The following ITK variants were observed in gnomAD, a reference collection of about 807,000 sequenced individuals.
ITK encodes the protein tyrosine-protein kinase ITK/TSK.
Under a neutral mutation model 87.6 loss-of-function variants are expected in ITK, and 45 were observed. The observed-to-expected ratio is 0.51, with a 90% CI of 0.40 to 0.66. The LOEUF is 0.66. Ranked by LOEUF, ITK falls within the 30% of genes least tolerant of loss-of-function variation. The pLI is 0.00. For missense variants in ITK, 605 were observed against 766.3 expected, an observed-to-expected ratio of 0.79 and a Z score of 2.48; for synonymous variants, 303 against 273.6, an observed-to-expected ratio of 1.11 and a Z score of -1.06.
chr5:157,219,083 T>A (rs1754359975), intron 5 of ITK, among the ~76,000 whole-genome samples: 1 of 150,478 alleles, frequency 6.6e-6, no homozygotes, highest in South Asian at 2.1e-4. Flanking sequence ...GACCTTATGA[T>A]AATATTAACA....
chr5:157,248,858 A>G lies in ITK; in HGVS notation c.1642A>G (p.Met548Val), dbSNP rs1370312134. The change falls in exon 16 of 17, where the codon ATG becomes GTG. Residue 548 changes from methionine (M) to valine (V), a missense_variant. Around this residue, in one of 3 missense-constraint regions of ITK, gnomAD observed 70 missense variants for 122.5 expected, o/e 0.57. Coordinates refer to ENST00000422843, the MANE Select transcript of ITK (RefSeq NM_005546.4). ...KSDVWSFGVL[M>V]WEVFSEGKIP... ...CTCACCATTTCTTGTAGGTGTGCTG[A>G]TGTGGGAAGTTTTCAGTGAAGGCAA... 2 of 1,613,742 alleles carry G rather than the reference A, an allele frequency of 1.2e-6. No homozygotes were observed. Among genetic ancestry groups the G allele is most frequent in the Non-Finnish European group, 1.7e-6 (2 of 1,179,830 alleles).
At chr5:157,223,927 G>A (rs1403231053) in intron 6 of ITK, among the ~76,000 whole-genome samples, 1 of 152,158 alleles carries the variant, frequency 6.6e-6, no homozygotes, top group Non-Finnish European at 1.5e-5. Flanking sequence ...TTAACTAACA[G>A]TAGAGAGAAA....
intron 1 of ITK, among the ~76,000 whole-genome samples, chr5:157,185,844 A>C (rs902263322): frequency 6.6e-6 from 1 of 152,188 alleles, no homozygotes; most frequent in Non-Finnish European, 1.5e-5. Flanking sequence ...ACCTGGTCTC[A>C]AAAATAAAAT....
At chr5:157,184,497 A>G (rs930266094) in intron 1 of ITK, among the ~76,000 whole-genome samples, 4 of 152,168 alleles carry the variant, frequency 2.6e-5, no homozygotes, top group African/African-American at 9.7e-5. Context: ...CTGATATCGG[A>G]TCCTTTTCAG....
chr5:157,223,167 T>C (rs1454706077), intron 6 of ITK, among the ~76,000 whole-genome samples, 153 bp downstream of exon 6: 1 of 152,006 alleles, frequency 6.6e-6, no homozygotes, highest in Non-Finnish European at 1.5e-5. Context: ...GAAGAGGAAG[T>C]AGTTGAGGCT....
intron 15 of ITK, among the ~76,000 whole-genome samples, chr5:157,247,934 A>G (rs975711578): frequency 2.0e-5 from 3 of 152,178 alleles, no homozygotes; most frequent in Admixed American, 2.0e-4. Context: ...TTTCAAAAAA[A>G]TTTTCACTAA....
At chr5:157,243,577 T>C (rs779481863) in intron 11 of ITK, 46 bp from the exon 12 acceptor site, 11 of 1,534,456 alleles carry the variant, frequency 7.2e-6, no homozygotes, top group Admixed American at 1.7e-5. Context: ...CAATACCTTA[T>C]ATCTACTGCT....
At chr5:157,241,455 C>A in intron 10 of ITK, 191 bp from the exon 11 acceptor site, 1 of 557,598 alleles carries the variant, frequency 1.8e-6, no homozygotes, top group Non-Finnish European at 3.2e-6. Context: ...GGAATTTTAC[C>A]ACTTGCCCAT....
At chr5:157,214,459 CT>C in intron 4 of ITK, 140 bp downstream of exon 4, 1 of 739,854 alleles carries the variant, frequency 1.4e-6, no homozygotes, top group Non-Finnish European at 2.4e-6. Flanking sequence ...AATCATCTGT[CT>C]TTCCTACCAG....
chr5:157,184,414 G>A (rs1452474125), intron 1 of ITK, among the ~76,000 whole-genome samples: 3 of 152,122 alleles, frequency 2.0e-5, no homozygotes, highest in East Asian at 1.9e-4. Context: ...CCAGCACACC[G>A]TCGGCAAGCC....
chr5:157,217,836 A>G (rs1313194975), intron 4 of ITK, 31 bp from the exon 5 acceptor site: 3 of 1,609,806 alleles, frequency 1.9e-6, no homozygotes, highest in Non-Finnish European at 2.5e-6. Context: ...TTTCATGCTC[A>G]TTTTTTCTTT....
rs910869122 is a variant in ITK, at chr5:157,205,644, A to G, written c.139-3245A>G. 6.6e-5 allele frequency among the ~76,000 whole-genome samples: 10 copies of G among 152,334 alleles called. No homozygotes were observed. In the East Asian group the frequency reaches 1.9e-3, roughly 29 times the overall value. ...CTAAGGACAGTCACATGGGTATAACAGTTATGAGCAGACAAACTATATTCC... is the reference window on the plus strand; with the variant it reads ...CTAAGGACAGTCACATGGGTATAACGGTTATGAGCAGACAAACTATATTCC... On this transcript the variant is annotated intron_variant, in intron 1 of 16. Coordinates refer to ENST00000422843, the MANE Select transcript of ITK (RefSeq NM_005546.4).
At chr5:157,244,839 A>C in intron 13 of ITK, 1 of 318,006 alleles carries the variant, frequency 3.1e-6, no homozygotes, top group Admixed American at 4.2e-5. Context: ...CACACTGGGG[A>C]AGCCCTTAAG....
chr5:157,239,027 A>G (rs1441117651), intron 9 of ITK, among the ~76,000 whole-genome samples: 2 of 152,096 alleles, frequency 1.3e-5, no homozygotes, highest in Non-Finnish European at 2.9e-5. Flanking sequence ...CGATCCAGGG[A>G]TAGGAGGGAA....
At chr5:157,190,443 G>A (rs1311900184) in intron 1 of ITK, among the ~76,000 whole-genome samples, 1 of 152,250 alleles carries the variant, frequency 6.6e-6, no homozygotes, top group Admixed American at 6.5e-5. Flanking sequence ...CACCACGCTA[G>A]ATGTGAGGAA....
At chr5:157,195,730 A>G (rs1339141299) in intron 1 of ITK, 1 of 152,210 alleles carries the variant, frequency 6.6e-6, no homozygotes, top group Non-Finnish European at 1.5e-5. Context: ...CTCTGCACAC[A>G]CTTCTTAACT....
Position 157,180,972 on chromosome 5 carries a change from T to G in ITK, c.-6T>G. On this transcript the variant is annotated 5_prime_UTR_variant, in exon 1 of 17. Coordinates refer to ENST00000422843, the MANE Select transcript of ITK (RefSeq NM_005546.4). ...CCAAGGTGCACCACCTTTCAAGAAC[T>G]GGATCATGAACAACTTTATCCTCCT... 6.2e-7 allele frequency: 1 copy of G among 1,613,752 alleles called. No individual in the cohort carries two copies. The highest frequency in any genetic ancestry group is 8.5e-7 in the Non-Finnish European group (1 of 1,179,716).
chr5:157,232,868 G>A (rs1160493825), intron 8 of ITK, among the ~76,000 whole-genome samples: 1 of 152,182 alleles, frequency 6.6e-6, no homozygotes, highest in Non-Finnish European at 1.5e-5. Context: ...ATCAGGGCTG[G>A]TCAGTCATGC....
At chr5:157,236,710 T>C (rs953877417) in intron 8 of ITK, among the ~76,000 whole-genome samples, 3 of 152,204 alleles carry the variant, frequency 2.0e-5, no homozygotes, top group African/African-American at 7.2e-5. Context: ...GTACTTAAAA[T>C]AGACTTCAGA....
Sources: allele counts gnomAD v4.1 joint callset (sites outside exome capture counted in the v4.1 genomes callset), GRCh38; gene constraint gnomAD v4.1.1; regional missense constraint gnomAD v4.1.1; transcripts MANE v1.5; gene names NCBI Gene and HGNC (gene_info 2026-07-23, HGNC 2026-07-21).